Variants in RHD observed in about 807,000 individuals in gnomAD.
The protein encoded by RHD is Rh blood group D antigen, also known as blood group Rh(D) polypeptide.
Under a neutral mutation model 45.5 loss-of-function variants are expected in RHD, and 16 were observed. The ratio of observed to expected loss-of-function variants is 0.35; its 90% CI spans 0.24 to 0.53. The LOEUF is 0.53. Among genes scored for constraint, RHD ranks in the 20% least tolerant of loss-of-function variants. RHD has a pLI of 0.92. For synonymous variants in RHD, 131 were observed against 217.5 expected, an observed-to-expected ratio of 0.60 and a Z score of 3.50; for missense variants, 306 against 532.0, an observed-to-expected ratio of 0.58 and a Z score of 4.18.
Position 25,321,615 on chromosome 1 carries a change from A to G in RHD, c.1154-274A>G, listed in dbSNP as rs1161747143. ...AACCTGGGAGGCAGAGGCTGCAGTG[A>G]GCCGAGATCACGCCATTGTACTCCA... is the stretch of plus-strand genomic sequence containing the variant. On this transcript the variant is annotated intron_variant, in intron 8 of 9. Coordinates refer to ENST00000328664, the MANE Select transcript of RHD (RefSeq NM_016124.6). Among the ~76,000 whole-genome samples, 2 of 126,724 alleles carry G rather than the reference A, an allele frequency of 1.6e-5. 1 individual carries two copies. The highest frequency in any genetic ancestry group is 1.6e-4 in the Admixed American group (2 of 12,626). The allele number at this position is 126,724 out of a possible 152,430, so 83.1% of individuals were successfully genotyped here.
chr1:25,284,625 G>A lies in RHD; in HGVS notation c.201G>A (p.Ser67=), dbSNP rs41302032. ...MAAIGLGFLT[S]SFRRHSWSSV... is the part of the protein sequence containing the mutation. ...CCATTGGCTTGGGCTTCCTCACCTC[G>A]AGTTTCCGGAGACACAGCTGGAGCA... Residue 67 remains serine, a synonymous_variant, in exon 2 of 10, where the codon TCG becomes TCA. Transcript: ENST00000328664. The A allele has an allele frequency of 4.0e-5, 56 of 1,388,814 alleles. 8 individuals carry two copies. Among genetic ancestry groups the A allele is most frequent in the Middle Eastern group, 3.6e-4 (2 of 5,542 alleles). The allele number at this position is 1,388,814 out of a possible 1,614,324, so 86.0% of individuals were successfully genotyped here. A position where few individuals can be genotyped will look rare whatever the true frequency, so the allele number is the denominator to read the frequency against.
chr1:25,299,855 A>G lies in RHD; in HGVS notation c.487-1091A>G, dbSNP rs1388338535. Among the ~76,000 whole-genome samples the G allele has an allele frequency of 2.3e-5, 3 of 130,876 alleles. 1 individual carries two copies. In the East Asian group the frequency reaches 5.9e-4, roughly 26 times the overall value. 85.9% of individuals were successfully genotyped at this position (130,876 alleles called of 152,430 possible). On this transcript the variant is annotated intron_variant, in intron 3 of 9. Coordinates refer to ENST00000328664, the MANE Select transcript of RHD (RefSeq NM_016124.6). ...GCCTCCGCCTCCCAGGTTCCAGTGA[A>G]TCTCCTGCATCAGCCTCCCAGGTAG...
Position 25,319,056 on chromosome 1 carries a change from A to C in RHD, c.1153+1977A>C, listed in dbSNP as rs1644561761. On this transcript the variant is annotated intron_variant, in intron 8 of 9. Transcript: ENST00000328664. The stretch of plus-strand genomic sequence containing the variant: ...AGGCTGCCGGATTTAGCAAAAATGC[A>C]AGGTGTCTGTTTTTAAATTTGAAAT... Among the ~76,000 whole-genome samples, 3 of 132,196 alleles carry C rather than the reference A, an allele frequency of 2.3e-5. 1 individual carries two copies. The highest frequency in any genetic ancestry group is 7.7e-5 in the African/African-American group (3 of 38,796). The allele number at this position is 132,196 out of a possible 152,430, so 86.7% of individuals were successfully genotyped here.
intron 9 of RHD, among the ~76,000 whole-genome samples, chr1:25,322,616 TGATCTGA>T (rs1163862107): frequency 7.6e-6 from 1 of 130,848 alleles, no homozygotes; most frequent in African/African-American, 2.6e-5. Flanking sequence ...AAGTTTGCAG[TGATCTGA>T]GATCATGCCA....
At position 25,300,815 on chromosome 1, in the gene RHD, C is replaced by G. The variant is rs1365649464; in HGVS notation, c.487-131C>G. ...AGCCTGCTGGGTTGGGCTGGGTAAG[C>G]TCTGAACACCAGTCTCATGGCTTCA... is the stretch of plus-strand genomic sequence containing the variant. On this transcript the variant is annotated intron_variant, in intron 3 of 9. Transcript: ENST00000328664. 2.5e-4 allele frequency: 260 copies of G among 1,058,398 alleles called. 58 individuals carry two copies. Among genetic ancestry groups the G allele is most frequent in the Middle Eastern group, 8.2e-4 (4 of 4,880 alleles). The allele number at this position is 1,058,398 out of a possible 1,614,324, so 65.6% of individuals were successfully genotyped here. A position where few individuals can be genotyped will look rare whatever the true frequency, so the allele number is the denominator to read the frequency against.
chr1:25,321,498 TAAA>T (rs1214598540), intron 8 of RHD, among the ~76,000 whole-genome samples: 3 of 76,334 alleles, frequency 3.9e-5, no homozygotes, highest in African/African-American at 4.3e-5. Flanking sequence ...CCATCTCTAC[TAAA>T]AAAAAAAAAA....
In RHD at chr1:25,319,944, G is replaced by A. The variant is rs1413489296; in HGVS notation, c.1154-1945G>A. 2.3e-4 allele frequency among the ~76,000 whole-genome samples: 30 copies of A among 131,060 alleles called. 5 individuals carry two copies. The allele number at this position is 131,060 out of a possible 152,430, so 86.0% of individuals were successfully genotyped here. On this transcript the variant is annotated intron_variant, in intron 8 of 9. Transcript: ENST00000328664. ...ACGCAGTTTTGCTCTTGTTGCCCAG[G>A]CTGGAGTGCAATGGCGCTATCTCGG...
At position 25,306,682 on chromosome 1, in the gene RHD, C is replaced by G. The variant is rs561412056; in HGVS notation, c.1026C>G (p.Ile342Met). 2 of 1,378,570 alleles carry G rather than the reference C, an allele frequency of 1.5e-6. 1 individual carries two copies. The allele number at this position is 1,378,570 out of a possible 1,614,324, so 85.4% of individuals were successfully genotyped here. The change falls in exon 7 of 10, where the codon ATC becomes ATG. Residue 342 changes from isoleucine to methionine, a missense_variant. By Grantham distance (10) the Ile-to-Met change is conservative. Transcript: ENST00000328664. ...FSLLGLLGEI[I>M]YIVLLVLDTV... ...TGCTGGGTCTGCTTGGAGAGATCAT[C>G]TACATTGTGCTGCTGGTGCTTGATA...
chr1:25,295,895 T>C lies in RHD; in HGVS notation c.487-5051T>C, dbSNP rs1340050624. Among the ~76,000 whole-genome samples, 2 of 103,050 alleles carry C rather than the reference T, an allele frequency of 1.9e-5. 1 individual carries two copies. Among genetic ancestry groups the C allele is most frequent in the African/African-American group, 6.7e-5 (2 of 29,636 alleles). The allele number at this position is 103,050 out of a possible 152,430, so 67.6% of individuals were successfully genotyped here. The stretch of plus-strand genomic sequence containing the variant: ...TTTTTTTTTTGAGATGGAGTTTCGC[T>C]GTTGTCATCCAGGCTGGATTGCAAT... On this transcript the variant is annotated intron_variant, in intron 3 of 9. Coordinates refer to ENST00000328664, the MANE Select transcript of RHD (RefSeq NM_016124.6).
In RHD at chr1:25,306,649, C is replaced by G. The variant is rs369751348; in HGVS notation, c.993C>G (p.Asn331Lys). 2.6e-5 allele frequency: 36 copies of G among 1,378,592 alleles called. 8 individuals are homozygous for G. Among genetic ancestry groups the G allele is most frequent in the Non-Finnish European group, 2.9e-5 (28 of 978,978 alleles). The allele number at this position is 1,378,592 out of a possible 1,614,324, so 85.4% of individuals were successfully genotyped here. ...GIPHSSIMGY[N>K]FSLLGLLGEI... ...CCCACAGCTCCATCATGGGCTACAA[C>G]TTCAGCTTGCTGGGTCTGCTTGGAG... The change falls in exon 7 of 10, where the codon AAC (asparagine) becomes AAG (lysine). Residue 331 changes from asparagine to lysine, a missense_variant. Physicochemically the swap from Asn to Lys is moderately conservative, Grantham distance 94. Coordinates refer to ENST00000328664, the MANE Select transcript of RHD (RefSeq NM_016124.6).
intron 3 of RHD, among the ~76,000 whole-genome samples, chr1:25,299,019 GC>G (rs925275704): frequency 8.4e-6 from 1 of 119,368 alleles, no homozygotes; most frequent in Non-Finnish European, 2.0e-5. Context: ...ATGGCAGGGT[GC>G]TGGGAGGGCT....
chr1:25,276,851 G>T (rs1292419134), intron 1 of RHD, among the ~76,000 whole-genome samples: 1 of 132,608 alleles, frequency 7.5e-6, no homozygotes, highest in African/African-American at 2.6e-5. Flanking sequence ...CAGATCACGA[G>T]GTCTGGAGAT....
At chr1:25,304,781 A>T (rs1445923763) in intron 6 of RHD, 1 of 131,374 alleles carries the variant, frequency 7.6e-6, no homozygotes, top group East Asian at 1.9e-4. Flanking sequence ...TCATCTTTGC[A>T]AGGGGAACAA....
Position 25,296,074 on chromosome 1 carries a change from G to A in RHD, c.487-4872G>A, listed in dbSNP as rs1642931528. Among the ~76,000 whole-genome samples the A allele has an allele frequency of 1.8e-5, 2 of 111,896 alleles. 1 individual carries two copies. Among genetic ancestry groups the A allele is most frequent in the Non-Finnish European group, 4.3e-5 (2 of 47,050 alleles). The allele number at this position is 111,896 out of a possible 152,430, so 73.4% of individuals were successfully genotyped here. The stretch of plus-strand genomic sequence containing the variant: ...GACGGAGTTTTGCCATGTTGGCCAG[G>A]CTGGTCTCAAACTCCTGACCTCAGG... On this transcript the variant is annotated intron_variant, in intron 3 of 9. Coordinates refer to ENST00000328664, the MANE Select transcript of RHD (RefSeq NM_016124.6).
At chr1:25,274,695 T>A (rs1327932554) in intron 1 of RHD, among the ~76,000 whole-genome samples, 1 of 133,456 alleles carries the variant, frequency 7.5e-6, no homozygotes, top group Non-Finnish European at 1.8e-5. Context: ...TAACATTGCA[T>A]TGCCCTGGAG....
At chr1:25,274,927 G>A (rs148860017) in intron 1 of RHD, among the ~76,000 whole-genome samples, 1,704 of 131,414 alleles carry the variant, frequency 0.013, 266 homozygotes, top group African/African-American at 0.04. Flanking sequence ...CAGCCTGGGC[G>A]CCAGAGTGAG....
intron 4 of RHD, 49 bp downstream of exon 4, chr1:25,301,142 G>A: frequency 7.4e-7 from 1 of 1,349,222 alleles, no homozygotes; most frequent in African/African-American, 1.4e-5. Flanking sequence ...TGAGCAGAAT[G>A]GCTCAGAAAA....
rs1331467846 is a variant in RHD at position 25,305,419 on chromosome 1, C to CA, written c.940-1176dup. Among the ~76,000 whole-genome samples the CA allele has an allele frequency of 2.5e-4, 31 of 126,160 alleles. 5 individuals are homozygous for CA. Among genetic ancestry groups the CA allele is most frequent in the African/African-American group, 8.6e-4 (31 of 36,168 alleles). The allele number at this position is 126,160 out of a possible 152,430, so 82.8% of individuals were successfully genotyped here. A position where few individuals can be genotyped will look rare whatever the true frequency, so the allele number is the denominator to read the frequency against. ...TTATTTATTTATTTATTTATTGAGACAGAGTCTCATTCTGTCACCCAGGCT... is the reference window on the plus strand; with the variant it reads ...TTATTTATTTATTTATTTATTGAGACAAGAGTCTCATTCTGTCACCCAGGCT... On this transcript the variant is annotated intron_variant, in intron 6 of 9. Coordinates refer to ENST00000328664, the MANE Select transcript of RHD (RefSeq NM_016124.6).
rs560109704 is a variant in RHD, at chr1:25,315,198, T to C, written c.1074-1802T>C. 2.3e-5 allele frequency among the ~76,000 whole-genome samples: 3 copies of C among 130,188 alleles called. No homozygotes were observed. In the East Asian group the frequency reaches 5.9e-4, roughly 26 times the overall value. The allele number at this position is 130,188 out of a possible 152,430, so 85.4% of individuals were successfully genotyped here. A position where few individuals can be genotyped will look rare whatever the true frequency, so the allele number is the denominator to read the frequency against. On this transcript the variant is annotated intron_variant, in intron 7 of 9. Coordinates refer to ENST00000328664, the MANE Select transcript of RHD (RefSeq NM_016124.6). ...CAAGGTCATGCATATGTCCCCCTGATTTTTTTCCTAAAAATCACTTATTAT... is the reference window on the plus strand; with the variant it reads ...CAAGGTCATGCATATGTCCCCCTGACTTTTTTCCTAAAAATCACTTATTAT...
Sources: allele counts gnomAD v4.1 joint callset (sites outside exome capture counted in the v4.1 genomes callset), GRCh38; gene constraint gnomAD v4.1.1; transcripts MANE v1.5; gene names NCBI Gene and HGNC (gene_info 2026-07-23, HGNC 2026-07-21).